Variants in ERMP1 observed in about 807,000 individuals in gnomAD.
The protein encoded by ERMP1 is endoplasmic reticulum metallopeptidase 1.
A neutral mutation model predicts 92.0 loss-of-function variants in ERMP1; 86 were observed. That is an observed-to-expected ratio of 0.93 (90% CI 0.79 to 1.12). The LOEUF is 1.12. Ranked by LOEUF, ERMP1 falls within the 50% of genes most tolerant of loss-of-function variation. The pLI is 0.00. For synonymous variants in ERMP1, 530 were observed against 412.8 expected (o/e 1.28, Z -3.44); for missense variants, 1,342 against 1,116.3 (o/e 1.20, Z -2.88).
At chr9:5,863,495 G>A (rs926857232) in intron 5 of ERMP1, among the ~76,000 whole-genome samples, 34 of 152,182 alleles carry the variant, frequency 2.2e-4, no homozygotes. Context: ...CCTACCCAGT[G>A]GTGACAATAA....
rs1007676118 is a variant in ERMP1, at chr9:5,826,421, T to C, written c.641-1202A>G. Among the ~76,000 whole-genome samples, 3 of 152,240 alleles carry C rather than the reference T, an allele frequency of 2.0e-5. No homozygotes were observed. In the East Asian group the frequency reaches 5.8e-4, roughly 29 times the overall value. ...GTTGAAAGAGCAAGCTAATGATACC[T>C]ACCTCACAGGTTTAAGAGTCACACA... On this transcript the variant is annotated intron_variant, in intron 2 of 14. Coordinates refer to ENST00000339450, the MANE Select transcript of ERMP1 (RefSeq NM_024896.3).
chr9:5,827,700 C>CA (rs1829776916), intron 2 of ERMP1, among the ~76,000 whole-genome samples: 1 of 151,472 alleles, frequency 6.6e-6, no homozygotes, highest in South Asian at 2.1e-4. Flanking sequence ...TCTCTACTAA[C>CA]AAAAAAATAG....
upstream of ERMP1, among the ~76,000 whole-genome samples, chr9:5,835,548 G>A (rs1261006870): frequency 6.6e-6 from 1 of 152,202 alleles, no homozygotes; most frequent in African/African-American, 2.4e-5. Context: ...AGCCTGGGGA[G>A]AGAATGTTCC....
At position 5,787,246 on chromosome 9, in the gene ERMP1, C is replaced by G; in HGVS notation, c.2613G>C (p.Gly871=). The change falls in exon 15 of 15, where the codon GGG becomes GGC. Residue 871 remains glycine, a synonymous_variant. Coordinates refer to ENST00000339450, the MANE Select transcript of ERMP1 (RefSeq NM_024896.3). ...TVAIAAHYLS[G]EDKRSPQLDA... ...CCAGTTGAGGGGATCTCTTGTCTTCCCCAGACAGATAGTGGGCAGCAATGG... is the reference window on the plus strand; with the variant it reads ...CCAGTTGAGGGGATCTCTTGTCTTCGCCAGACAGATAGTGGGCAGCAATGG... 1 of 1,614,032 alleles carries G rather than the reference C, an allele frequency of 6.2e-7. No individual in the cohort carries two copies. The highest frequency in any genetic ancestry group is 8.5e-7 in the Non-Finnish European group (1 of 1,179,976).
At chr9:5,797,639 C>A (rs1336804068) in intron 13 of ERMP1, among the ~76,000 whole-genome samples, 178 bp downstream of exon 13, 1 of 140,088 alleles carries the variant, frequency 7.1e-6, no homozygotes, top group African/African-American at 2.6e-5. Context: ...CAGAGCGAGA[C>A]TCCATCTCAA....
In ERMP1 at chr9:5,792,749, C is replaced by A. The variant is rs141911030; in HGVS notation, c.2386+5068G>T. Reference sequence around the variant, plus strand: ...AATATTATGTTATAAGGTATCTGCACTACCATGAAGCAGTACAGTGTTAAC... The same window carrying A: ...AATATTATGTTATAAGGTATCTGCAATACCATGAAGCAGTACAGTGTTAAC... On this transcript the variant is annotated intron_variant, in intron 13 of 14. Coordinates refer to ENST00000339450, the MANE Select transcript of ERMP1 (RefSeq NM_024896.3). Among the ~76,000 whole-genome samples, 15 of 152,280 alleles carry A rather than the reference C, an allele frequency of 9.9e-5. No homozygotes were observed. The East Asian group carries it at 2.1e-3, about 22-fold the overall frequency.
intron 7 of ERMP1, among the ~76,000 whole-genome samples, chr9:5,810,513 T>C (rs557656357): frequency 3.3e-4 from 51 of 152,324 alleles, no homozygotes; most frequent in African/African-American, 1.2e-3. Context: ...AGGAAGAGGA[T>C]AGTCTTAATC....
At chr9:5,823,548 T>C (rs1252492783) in intron 4 of ERMP1, among the ~76,000 whole-genome samples, 3 of 152,178 alleles carry the variant, frequency 2.0e-5, no homozygotes, top group Non-Finnish European at 4.4e-5. Context: ...CACTCTGCCA[T>C]TAAACAACTG....
chr9:5,833,686 T>C (rs906541234), upstream of ERMP1, among the ~76,000 whole-genome samples: 3 of 152,240 alleles, frequency 2.0e-5, no homozygotes, highest in Non-Finnish European at 2.9e-5. Context: ...TCTTTAACAA[T>C]ACTTAAAAGG....
chr9:5,826,821 A>C (rs1829746146), intron 2 of ERMP1, among the ~76,000 whole-genome samples: 1 of 152,224 alleles, frequency 6.6e-6, no homozygotes, highest in African/African-American at 2.4e-5. Context: ...ATTCAAAAAG[A>C]GAGAAAGGGA....
chr9:5,832,647 G>A (rs1194720284), intron 1 of ERMP1, 43 bp downstream of exon 1: 9 of 1,348,054 alleles, frequency 6.7e-6, no homozygotes, highest in African/African-American at 3.1e-5. Context: ...CGCAGGAGCC[G>A]CAAACGGACG....
At chr9:5,811,444 G>A (rs954836254) in intron 6 of ERMP1, 121 bp from the exon 7 acceptor site, 1 of 714,068 alleles carries the variant, frequency 1.4e-6, no homozygotes. Context: ...CTGTTTGAAT[G>A]AAGAAATGGT....
chr9:5,843,547 T>A (rs1480347470), intron 6 of ERMP1, among the ~76,000 whole-genome samples: 5 of 152,122 alleles, frequency 3.3e-5, no homozygotes, highest in African/African-American at 4.8e-5. Flanking sequence ...GGGGGAAAGT[T>A]TATAGTGCTA....
At chr9:5,852,557 TAGC>T (rs1018850392) in intron 6 of ERMP1, among the ~76,000 whole-genome samples, 28 of 151,984 alleles carry the variant, frequency 1.8e-4, no homozygotes, top group African/African-American at 6.5e-4. Flanking sequence ...TACCCCACCA[TAGC>T]AGCAGAATTT....
At chr9:5,799,334 A>G (rs1047804582) in intron 11 of ERMP1, among the ~76,000 whole-genome samples, 1 of 152,186 alleles carries the variant, frequency 6.6e-6, no homozygotes, top group Non-Finnish European at 1.5e-5. Flanking sequence ...CTAAGCACAT[A>G]TATACATACA....
chr9:5,805,517 G>T, intron 9 of ERMP1, 94 bp downstream of exon 9: 2 of 1,093,356 alleles, frequency 1.8e-6, no homozygotes, highest in Middle Eastern at 4.2e-4. Flanking sequence ...AATTTAGAAA[G>T]CCTACCCAAT....
At chr9:5,803,273 T>C (rs1407800120) in intron 10 of ERMP1, among the ~76,000 whole-genome samples, 2 of 152,204 alleles carry the variant, frequency 1.3e-5, no homozygotes, top group East Asian at 3.8e-4. Context: ...ACTCATGGCA[T>C]CAAAGTGCGG....
chr9:5,856,604 C>T (rs965702587), intron 6 of ERMP1, among the ~76,000 whole-genome samples: 7 of 152,132 alleles, frequency 4.6e-5, no homozygotes, highest in African/African-American at 9.7e-5. Flanking sequence ...TAGCCCTGTG[C>T]GGGGACTAAC....
At chr9:5,787,649 A>T in intron 13 of ERMP1, 56 bp from the exon 14 acceptor site, 1 of 1,542,782 alleles carries the variant, frequency 6.5e-7, no homozygotes, top group Non-Finnish European at 8.8e-7. Flanking sequence ...TCAAAAAAAT[A>T]ACCCACAATC....
Sources: gnomAD v4.1 joint callset for allele counts (sites outside exome capture counted in the v4.1 genomes callset) on GRCh38, gnomAD v4.1.1 for gene constraint, MANE v1.5 for transcripts, NCBI Gene and HGNC (gene_info 2026-07-23, HGNC 2026-07-21) for gene names.